The following BCAS4 variants were observed in gnomAD, a reference collection of about 807,000 sequenced individuals.
The protein encoded by BCAS4 is breast carcinoma-amplified sequence 4.
Under a neutral mutation model 15.7 loss-of-function variants are expected in BCAS4, and 9 were observed. The observed-to-expected ratio is 0.57, with a 90% CI of 0.34 to 1.00. The LOEUF (loss-of-function observed/expected upper bound fraction) is 1.00, where lower values mean the gene tolerates loss of function less well. Ranked by LOEUF, BCAS4 falls within the 50% of genes least tolerant of loss-of-function variation. BCAS4 has a pLI of 0.02. For missense variants in BCAS4, 225 were observed against 239.1 expected (o/e 0.94, Z 0.39); for synonymous variants, 101 against 99.5 (o/e 1.02, Z -0.09).
intron 1 of BCAS4, among the ~76,000 whole-genome samples, chr20:50,809,296 A>G (rs1446909153): frequency 4.0e-5 from 6 of 150,990 alleles, no homozygotes; most frequent in African/African-American, 1.5e-4. Context: ...TGCAACATCA[A>G]CCTCCTGGGT....
chr20:50,807,954 C>T (rs1384353692), intron 1 of BCAS4, among the ~76,000 whole-genome samples: 2 of 144,110 alleles, frequency 1.4e-5, no homozygotes, highest in Non-Finnish European at 3.0e-5. Context: ...CTTACCCAGG[C>T]TGGAGTGCAG....
intron 4 of BCAS4, among the ~76,000 whole-genome samples, chr20:50,871,071 G>T (rs775064795): frequency 2.0e-5 from 3 of 152,240 alleles, no homozygotes; most frequent in Non-Finnish European, 2.9e-5. Flanking sequence ...GCCGGAGGGC[G>T]AGAGGTGGGA....
intron 4 of BCAS4, among the ~76,000 whole-genome samples, chr20:50,860,813 G>A (rs968617457): frequency 6.6e-6 from 1 of 152,130 alleles, no homozygotes; most frequent in Non-Finnish European, 1.5e-5. Context: ...GGCGGAGGTT[G>A]CAGTGAGCCA....
intron 4 of BCAS4, among the ~76,000 whole-genome samples, chr20:50,849,501 G>T (rs1221012974): frequency 6.6e-6 from 1 of 152,268 alleles, no homozygotes; most frequent in African/African-American, 2.4e-5. Context: ...AGCAGAGCCA[G>T]GACAGGCAGG....
At chr20:50,841,019 G>T (rs2088473892) in intron 3 of BCAS4, 1 of 386,052 alleles carries the variant, frequency 2.6e-6, no homozygotes, top group South Asian at 2.2e-5. Flanking sequence ...TAGCAGAGAC[G>T]CAGTTTCACC....
chr20:50,864,425 A>G (rs1979248673), intron 4 of BCAS4, among the ~76,000 whole-genome samples: 1 of 145,616 alleles, frequency 6.9e-6, no homozygotes, highest in Non-Finnish European at 1.5e-5. Context: ...TGTCCTTACT[A>G]TTGATCATGA....
At chr20:50,831,284 C>G (rs558627653) in intron 3 of BCAS4, among the ~76,000 whole-genome samples, 1 of 152,202 alleles carries the variant, frequency 6.6e-6, no homozygotes, top group South Asian at 2.1e-4. Flanking sequence ...CTAAAATCAA[C>G]CGGGCGTGGT....
chr20:50,859,789 C>T (rs139749916), intron 4 of BCAS4, among the ~76,000 whole-genome samples: 1 of 152,188 alleles, frequency 6.6e-6, no homozygotes, highest in East Asian at 1.9e-4. Flanking sequence ...GATGTGTGTG[C>T]GTGTTAATTG....
intron 1 of BCAS4, among the ~76,000 whole-genome samples, chr20:50,801,201 T>C (rs1005027147): frequency 6.6e-6 from 1 of 151,636 alleles, no homozygotes; most frequent in Non-Finnish European, 1.5e-5. Flanking sequence ...CCGAGGCGGG[T>C]GGATCATTTG....
chr20:50,855,328 C>A (rs969103875), intron 4 of BCAS4, among the ~76,000 whole-genome samples: 2 of 152,148 alleles, frequency 1.3e-5, no homozygotes, highest in Admixed American at 6.6e-5. Flanking sequence ...ATGTCTCTTG[C>A]GTTCATCTTG....
In BCAS4 at chr20:50,825,333, C is replaced by T. The variant is rs140944390; in HGVS notation, c.163-4946C>T. On this transcript the variant is annotated intron_variant, in intron 2 of 4. Coordinates refer to ENST00000371608, the MANE Select transcript of BCAS4 (RefSeq NM_198799.4). ...CTGGCCTCAAGTGACCCTCTCACCT[C>T]GGCCTCTCAAAGAATTGGGATTACA... 7.8e-3 allele frequency among the ~76,000 whole-genome samples: 1,191 copies of T among 152,252 alleles called. 23 individuals carry two copies. The highest frequency in any genetic ancestry group is 0.028 in the African/African-American group (1,146 of 41,542).
chr20:50,865,993 C>T (rs947013009), intron 4 of BCAS4, among the ~76,000 whole-genome samples: 1 of 152,162 alleles, frequency 6.6e-6, no homozygotes, highest in Admixed American at 6.5e-5. Flanking sequence ...CACCCAGGAC[C>T]TAGGGGACAG....
the BCAS4 span, chr20:50,882,415 G>A: frequency 1.3e-5 from 2 of 152,208 alleles, no homozygotes; most frequent in African/African-American, 4.8e-5. Context: ...TGGGTTAAGA[G>A]TTCTTTATGA....
chr20:50,866,648 G>A (rs945977320), intron 4 of BCAS4, among the ~76,000 whole-genome samples: 1 of 152,234 alleles, frequency 6.6e-6, no homozygotes, highest in Non-Finnish European at 1.5e-5. Context: ...ACCCCTGAGG[G>A]TCCTGAGGTT....
In BCAS4 at chr20:50,841,890, C is replaced by A. The variant is rs2145693; in HGVS notation, c.389C>A (p.Ser130Tyr). ...RRWLGSAGLP[S>Y]FRNKSPAPVP... is the part of the protein sequence containing the mutation. ...TGGCTGGGATCCGCAGGGCTCCCCTCCTTCAGGAACGTGAGTATCCTGCCC... is the reference window on the plus strand; with the variant it reads ...TGGCTGGGATCCGCAGGGCTCCCCTACTTCAGGAACGTGAGTATCCTGCCC... Residue 130 changes from serine to tyrosine, a missense_variant, in exon 4 of 5, where the codon TCC becomes TAC. Ser to Tyr is a moderately radical substitution (Grantham distance 144). Coordinates refer to ENST00000371608, the MANE Select transcript of BCAS4 (RefSeq NM_198799.4). 2,688 of 1,584,220 alleles carry A rather than the reference C, an allele frequency of 1.7e-3. 24 individuals carry two copies. The African/African-American group carries it at 0.029, about 17-fold the overall frequency.
intron 2 of BCAS4, among the ~76,000 whole-genome samples, chr20:50,829,345 C>A (rs1305995380): frequency 1.3e-5 from 2 of 152,076 alleles, no homozygotes; most frequent in African/African-American, 2.4e-5. Context: ...CGGGTTCAAG[C>A]GATTCTGCTG....
At chr20:50,841,338 G>T (rs916759014) in intron 3 of BCAS4, among the ~76,000 whole-genome samples, 11 of 152,220 alleles carry the variant, frequency 7.2e-5, no homozygotes, top group South Asian at 4.2e-4. Context: ...TAGATGAAAA[G>T]TACAAATAAA....
At chr20:50,860,726 A>T (rs559126510) in intron 4 of BCAS4, among the ~76,000 whole-genome samples, 1 of 152,256 alleles carries the variant, frequency 6.6e-6, no homozygotes, top group East Asian at 1.9e-4. Context: ...AAATACAAAA[A>T]TTAGCCAGGT....
chr20:50,874,101 T>G (rs2122692660), intron 4 of BCAS4, among the ~76,000 whole-genome samples: 1 of 152,194 alleles, frequency 6.6e-6, no homozygotes, highest in Middle Eastern at 3.4e-3. Flanking sequence ...CTAGAGTGTA[T>G]TCTCTCTCCT....
Sources: allele counts gnomAD v4.1 joint callset (sites outside exome capture counted in the v4.1 genomes callset), GRCh38; gene constraint gnomAD v4.1.1; transcripts MANE v1.5; gene names NCBI Gene and HGNC (gene_info 2026-07-23, HGNC 2026-07-21).